Variants in ATRNL1 observed in about 807,000 individuals in gnomAD.
ATRNL1 encodes the protein attractin-like protein 1.
Under a neutral mutation model 182.7 loss-of-function variants are expected in ATRNL1, and 95 were observed. That is an observed-to-expected ratio of 0.52 (90% CI 0.44 to 0.62). ATRNL1 has a LOEUF of 0.62. Ranked by LOEUF, ATRNL1 falls within the 20% of genes least tolerant of loss-of-function variation. The pLI, the probability that ATRNL1 is intolerant of heterozygous loss-of-function variation, is 0.00. For synonymous variants in ATRNL1, 576 were observed against 568.3 expected (o/e 1.01, Z -0.19); for missense variants, 1,471 against 1,679.5 (o/e 0.88, Z 2.17).
intron 26 of ATRNL1, among the ~76,000 whole-genome samples, chr10:115,604,794 A>T (rs1468398406): frequency 6.6e-6 from 1 of 152,090 alleles, no homozygotes; most frequent in Non-Finnish European, 1.5e-5. Context: ...ACTTTCATAG[A>T]TTTTCTCCAC....
chr10:115,580,288 C>T (rs1555006783), intron 26 of ATRNL1, among the ~76,000 whole-genome samples: 1 of 152,080 alleles, frequency 6.6e-6, no homozygotes, highest in Non-Finnish European at 1.5e-5. Flanking sequence ...TAAGAAATGT[C>T]TAGTGGTGAT....
At chr10:115,881,267 G>A (rs1157937991) in intron 28 of ATRNL1, among the ~76,000 whole-genome samples, 1 of 152,214 alleles carries the variant, frequency 6.6e-6, no homozygotes, top group African/African-American at 2.4e-5. Flanking sequence ...AGCAAATGCT[G>A]TCCTGCTCCA....
intron 26 of ATRNL1, among the ~76,000 whole-genome samples, chr10:115,629,432 C>G (rs1858337755): frequency 6.6e-6 from 1 of 152,054 alleles, no homozygotes; most frequent in Non-Finnish European, 1.5e-5. Context: ...TTCTCCTTGC[C>G]AGACATGATG....
chr10:115,635,784 C>T (rs539569679), intron 26 of ATRNL1, among the ~76,000 whole-genome samples: 2 of 152,100 alleles, frequency 1.3e-5, no homozygotes, highest in African/African-American at 4.8e-5. Flanking sequence ...ATGGTATGTT[C>T]TCACAATCAG....
intron 25 of ATRNL1, among the ~76,000 whole-genome samples, chr10:115,525,568 A>C (rs1592785552): frequency 6.6e-6 from 1 of 152,312 alleles, no homozygotes; most frequent in South Asian, 2.1e-4. Flanking sequence ...CTCCCATGGA[A>C]CACAACCTGG....
intron 26 of ATRNL1, among the ~76,000 whole-genome samples, chr10:115,649,469 A>G (rs1859844229): frequency 6.6e-6 from 1 of 152,108 alleles, no homozygotes; most frequent in Admixed American, 6.6e-5. Flanking sequence ...GCACCATAAG[A>G]TAATTGTAAT....
At chr10:115,177,930 T>G (rs1477122742) in intron 8 of ATRNL1, among the ~76,000 whole-genome samples, 1,631 of 145,530 alleles carry the variant, frequency 0.011, 34 homozygotes, top group African/African-American at 0.038. Flanking sequence ...TTTTGTTTTT[T>G]TTTTTTTTGA....
At chr10:115,422,373 G>A (rs566764346) in intron 20 of ATRNL1, among the ~76,000 whole-genome samples, 1 of 152,242 alleles carries the variant, frequency 6.6e-6, no homozygotes, top group South Asian at 2.1e-4. Context: ...TAAAAAGTGA[G>A]CAAAGTACAT....
chr10:115,678,432 T>G (rs983454398), intron 26 of ATRNL1, among the ~76,000 whole-genome samples: 2 of 152,062 alleles, frequency 1.3e-5, no homozygotes, highest in Non-Finnish European at 2.9e-5. Context: ...TTTTAAAAAT[T>G]TATGTGGAGT....
intron 26 of ATRNL1, among the ~76,000 whole-genome samples, chr10:115,720,986 C>T (rs1182062869): frequency 6.6e-6 from 1 of 152,196 alleles, no homozygotes; most frequent in African/African-American, 2.4e-5. Flanking sequence ...CTTCTGAAGA[C>T]AGCAGTAAGT....
At chr10:115,685,466 A>ATTCC (rs1565284275) in intron 26 of ATRNL1, among the ~76,000 whole-genome samples, 207 of 151,934 alleles carry the variant, frequency 1.4e-3, no homozygotes, top group African/African-American at 4.6e-3. Flanking sequence ...TCTGGCATAT[A>ATTCC]ATAAGTATTC....
intron 19 of ATRNL1, among the ~76,000 whole-genome samples, chr10:115,344,126 C>G (rs1018698706): frequency 6.6e-6 from 1 of 152,162 alleles, no homozygotes; most frequent in Non-Finnish European, 1.5e-5. Flanking sequence ...TGTATGCACT[C>G]ACTGGTTACT....
At chr10:115,459,761 C>A (rs183423431) in intron 21 of ATRNL1, among the ~76,000 whole-genome samples, 48 of 152,178 alleles carry the variant, frequency 3.2e-4, no homozygotes, top group African/African-American at 1.2e-3. Context: ...ATACTCCCTC[C>A]CCTTTTGAAA....
At chr10:115,374,420 C>A (rs2134208203) in intron 19 of ATRNL1, among the ~76,000 whole-genome samples, 1 of 148,506 alleles carries the variant, frequency 6.7e-6, no homozygotes, top group East Asian at 2.0e-4. Context: ...CTTTCTTTTC[C>A]TTCTCATTCT....
At chr10:115,420,370 A>G (rs1473017805) in intron 20 of ATRNL1, among the ~76,000 whole-genome samples, 1 of 152,124 alleles carries the variant, frequency 6.6e-6, no homozygotes, top group Non-Finnish European at 1.5e-5. Context: ...TCAAAGTCAT[A>G]TCAAGTATTT....
At chr10:115,920,315 A>C (rs960766343) in intron 28 of ATRNL1, among the ~76,000 whole-genome samples, 2 of 152,212 alleles carry the variant, frequency 1.3e-5, no homozygotes, top group African/African-American at 4.8e-5. Flanking sequence ...AGGCACGTGA[A>C]GTTGTGGTAA....
intron 22 of ATRNL1, among the ~76,000 whole-genome samples, chr10:115,466,932 C>T (rs1848078309): frequency 1.3e-5 from 2 of 150,944 alleles, no homozygotes; most frequent in African/African-American, 2.4e-5. Context: ...GAGCCTCTGG[C>T]TTACATACAA....
At chr10:115,210,924 T>G (rs1342267990) in intron 8 of ATRNL1, among the ~76,000 whole-genome samples, 1 of 152,022 alleles carries the variant, frequency 6.6e-6, no homozygotes, top group Non-Finnish European at 1.5e-5. Flanking sequence ...TTAAATATCA[T>G]TATCTTGAGT....
intron 10 of ATRNL1, among the ~76,000 whole-genome samples, chr10:115,245,804 T>TA (rs1850612740): frequency 6.6e-6 from 1 of 152,160 alleles, no homozygotes; most frequent in Non-Finnish European, 1.5e-5. Flanking sequence ...TCTATGCACT[T>TA]CGTTAAATTC....
Sources: allele counts gnomAD v4.1 joint callset (sites outside exome capture counted in the v4.1 genomes callset), GRCh38; gene constraint gnomAD v4.1.1; transcripts MANE v1.5; gene names NCBI Gene and HGNC (gene_info 2026-07-23, HGNC 2026-07-21).